PLCZ1: variants seen among roughly 807,000 people sequenced by gnomAD.
The protein encoded by PLCZ1 is 1-phosphatidylinositol 4,5-bisphosphate phosphodiesterase zeta-1.
Under a neutral mutation model 76.8 loss-of-function variants are expected in PLCZ1, and 64 were observed. The ratio of observed to expected loss-of-function variants is 0.83; its 90% CI spans 0.68 to 1.03. The LOEUF (loss-of-function observed/expected upper bound fraction) is 1.03. PLCZ1 is among the 50% of genes least tolerant of loss of function. The pLI is 0.00. For missense variants in PLCZ1, 751 were observed against 713.7 expected, an observed-to-expected ratio of 1.05 and a Z score of -0.60; for synonymous variants, 248 against 230.8, an observed-to-expected ratio of 1.07 and a Z score of -0.68.
At chr12:18,735,284 G>T (rs796132249) in intron 3 of PLCZ1, among the ~76,000 whole-genome samples, 11 of 152,300 alleles carry the variant, frequency 7.2e-5, no homozygotes, top group African/African-American at 2.6e-4. Context: ...AACTGGAAGT[G>T]TTCCCTCTTC....
chr12:18,735,497 C>T (rs995479063), intron 3 of PLCZ1, among the ~76,000 whole-genome samples: 5 of 152,162 alleles, frequency 3.3e-5, no homozygotes, highest in African/African-American at 1.2e-4. Context: ...ACCTTGGCCT[C>T]TCAAAGCATT....
chr12:18,724,405 TA>T (rs1442810416), intron 3 of PLCZ1, among the ~76,000 whole-genome samples: 1 of 151,992 alleles, frequency 6.6e-6, no homozygotes, highest in African/African-American at 2.4e-5. Flanking sequence ...CACTAACAAA[TA>T]AAAAAACTGG....
chr12:18,696,350 A>ATATATATATATATATATATATC (rs1472443149), intron 10 of PLCZ1, 84 bp from the exon 11 acceptor site: 1 of 247,368 alleles, frequency 4.0e-6, no homozygotes, highest in Non-Finnish European at 6.9e-6. Flanking sequence ...ATATATATAT[A>ATATATATATATATATATATATC]TCATATAATT....
rs541232602 is a variant in PLCZ1 at position 18,734,025 on chromosome 12, G to A, written c.135+2196C>T. ...GAAAACAAAACAAAAATGCCATTGG[G>A]ATTTTAGTAGGGATTACATTGAATC... On this transcript the variant is annotated intron_variant, in intron 3 of 14. Transcript: ENST00000266505. 1.7e-3 allele frequency among the ~76,000 whole-genome samples: 255 copies of A among 152,172 alleles called. 1 individual carries two copies. The highest frequency in any genetic ancestry group is 6.8e-3 in the Middle Eastern group (2 of 294).
intron 4 of PLCZ1, among the ~76,000 whole-genome samples, chr12:18,722,817 A>G (rs1420070640): frequency 2.6e-5 from 4 of 152,088 alleles, no homozygotes; most frequent in Admixed American, 2.6e-4. Context: ...AATGTTGTAG[A>G]TAATTATATT....
chr12:18,700,287 G>A (rs1037409076), intron 9 of PLCZ1, among the ~76,000 whole-genome samples: 6 of 151,638 alleles, frequency 4.0e-5, no homozygotes, highest in Non-Finnish European at 5.9e-5. Context: ...ATATTGAAAT[G>A]ACTTCTATTA....
the PLCZ1 span, among the ~76,000 whole-genome samples, chr12:18,649,128 C>T: frequency 2.0e-5 from 3 of 152,224 alleles, no homozygotes; most frequent in African/African-American, 7.2e-5. Flanking sequence ...TCCCTTTCTG[C>T]TAGACGATTA....
intron 7 of PLCZ1, 78 bp downstream of exon 7, chr12:18,705,088 G>C: frequency 6.5e-7 from 1 of 1,548,924 alleles, no homozygotes; most frequent in Non-Finnish European, 8.9e-7. Context: ...CTCTAGCCCA[G>C]TTTCACAGGC....
At chr12:18,690,544 G>C (rs113372033) in intron 12 of PLCZ1, among the ~76,000 whole-genome samples, 102 of 152,194 alleles carry the variant, frequency 6.7e-4, no homozygotes, top group African/African-American at 2.4e-3. Flanking sequence ...TATCCTTAAA[G>C]AATCCTCAGA....
chr12:18,653,904 C>G, the PLCZ1 span, among the ~76,000 whole-genome samples: 89,961 of 151,778 alleles, frequency 0.59, 26,866 homozygotes, highest in East Asian at 0.72. Flanking sequence ...CCCCAAAATT[C>G]AGAAAGCAAT....
intron 5 of PLCZ1, chr12:18,714,744 A>G (rs1592224796): frequency 6.6e-6 from 1 of 152,182 alleles, no homozygotes; most frequent in African/African-American, 2.4e-5. Context: ...TTCGGCTGCC[A>G]CAACTGGAGA....
chr12:18,709,651 A>G (rs1957054807), intron 6 of PLCZ1, among the ~76,000 whole-genome samples: 1 of 152,032 alleles, frequency 6.6e-6, no homozygotes, highest in Non-Finnish European at 1.5e-5. Flanking sequence ...GAAGGCCAAG[A>G]TGAGAGGATC....
chr12:18,705,056 A>C, intron 7 of PLCZ1, 110 bp downstream of exon 7: 2 of 1,376,718 alleles, frequency 1.5e-6, no homozygotes, highest in South Asian at 2.3e-5. Context: ...ATACGTGATC[A>C]AAACTAAGCA....
At chr12:18,703,454 C>G (rs1956198387) in intron 7 of PLCZ1, among the ~76,000 whole-genome samples, 3 of 152,154 alleles carry the variant, frequency 2.0e-5, no homozygotes, top group Admixed American at 2.0e-4. Flanking sequence ...TGTAATACAG[C>G]TGTTTTTCTT....
At chr12:18,737,536 TG>T (rs984948775) in intron 1 of PLCZ1, 27 bp from the exon 2 acceptor site, 21 of 851,464 alleles carry the variant, frequency 2.5e-5, no homozygotes, top group African/African-American at 9.9e-5. Flanking sequence ...GAACACACAG[TG>T]GTTTTTTTTG....
the PLCZ1 span, among the ~76,000 whole-genome samples, chr12:18,654,792 G>A: frequency 2.0e-5 from 3 of 152,266 alleles, no homozygotes; most frequent in Admixed American, 2.0e-4. Flanking sequence ...TTGAACAAGG[G>A]ATAAGTGACA....
At chr12:18,669,713 A>C in the PLCZ1 span, among the ~76,000 whole-genome samples, 3 of 151,932 alleles carry the variant, frequency 2.0e-5, no homozygotes, top group Non-Finnish European at 4.4e-5. Flanking sequence ...GCTAGAGTCC[A>C]GAGATGTAAT....
intron 12 of PLCZ1, chr12:18,693,659 T>C: frequency 6.4e-7 from 1 of 1,565,528 alleles, no homozygotes; most frequent in Non-Finnish European, 8.8e-7. Flanking sequence ...GACAAAAAGA[T>C]ATGACTCCAA....
chr12:18,729,407 T>C (rs1392233364), intron 3 of PLCZ1, among the ~76,000 whole-genome samples: 1 of 152,086 alleles, frequency 6.6e-6, no homozygotes, highest in African/African-American at 2.4e-5. Context: ...ATAAGCTACT[T>C]ATAAAACAGT....
Sources: gnomAD v4.1 joint callset for allele counts (sites outside exome capture counted in the v4.1 genomes callset) on GRCh38, gnomAD v4.1.1 for gene constraint, MANE v1.5 for transcripts, NCBI Gene and HGNC (gene_info 2026-07-23, HGNC 2026-07-21) for gene names.